Variants in NFIC observed in about 807,000 individuals in gnomAD.
NFIC encodes the protein nuclear factor I C, also known as nuclear factor 1 C-type.
NFIC carries 12 observed loss-of-function variants against 54.4 expected under a neutral mutation model. The observed-to-expected ratio is 0.22, with a 90% CI of 0.14 to 0.36. The LOEUF (loss-of-function observed/expected upper bound fraction) is 0.36. Among genes scored for constraint, NFIC ranks in the 10% least tolerant of loss-of-function variants. NFIC has a pLI of 1.00. For missense variants in NFIC, 575 were observed against 718.2 expected (o/e 0.80, Z 2.28); for synonymous variants, 322 against 319.2 (o/e 1.01, Z -0.09).
chr19:3,367,886 G>A (rs2080925951), intron 1 of NFIC, among the ~76,000 whole-genome samples: 1 of 152,196 alleles, frequency 6.6e-6, no homozygotes, highest in East Asian at 1.9e-4. Flanking sequence ...GCATGGTGCA[G>A]TGAGGGACCC....
chr19:3,441,996 C>T (rs1220624578), intron 6 of NFIC, among the ~76,000 whole-genome samples: 2 of 152,208 alleles, frequency 1.3e-5, no homozygotes, highest in African/African-American at 2.4e-5. Flanking sequence ...CTGGCGGACT[C>T]GGGGCCTTTT....
At position 3,448,803 on chromosome 19, in the gene NFIC, G is replaced by A. The variant is rs1469880478; in HGVS notation, c.959-211G>A. Among the ~76,000 whole-genome samples the A allele has an allele frequency of 3.3e-5, 5 of 152,108 alleles. No individual in the cohort carries two copies. The East Asian group carries it at 5.8e-4, about 18-fold the overall frequency. Reference sequence around the variant, plus strand: ...GTTGATACCCAGCTCTCCATCCCCCGGCTGTGCCGCCCTGGCTAGCCCCTT... The same window carrying A: ...GTTGATACCCAGCTCTCCATCCCCCAGCTGTGCCGCCCTGGCTAGCCCCTT... On this transcript the variant is annotated intron_variant, in intron 6 of 10. Transcript: ENST00000443272.
At chr19:3,379,992 G>GT (rs1045563210) in intron 1 of NFIC, among the ~76,000 whole-genome samples, 46 of 147,842 alleles carry the variant, frequency 3.1e-4, no homozygotes, top group Non-Finnish European at 4.0e-4. Context: ...GCCGACCCTA[G>GT]TTTTTTTTTG....
chr19:3,383,406 G>C (rs1207092976), intron 2 of NFIC, among the ~76,000 whole-genome samples: 1 of 152,194 alleles, frequency 6.6e-6, no homozygotes, highest in Admixed American at 6.5e-5. Flanking sequence ...CCTGGCAGGA[G>C]CGTGGAGATG....
rs991167755 is a variant in NFIC, at chr19:3,434,502, T to C, written c.833+102T>C. ...CATTCCTCTCCCTGGAATACCTCTT[T>C]TCACGATTCACCTGGCCTGAGAAAC... is the stretch of plus-strand genomic sequence containing the variant. On this transcript the variant is annotated intron_variant, in intron 5 of 10. Coordinates refer to ENST00000443272, the MANE Select transcript of NFIC (RefSeq NM_001245002.2). The C allele has an allele frequency of 1.0e-5, 15 of 1,441,180 alleles. No individual in the cohort carries two copies. In the African/African-American group the frequency reaches 1.4e-4, roughly 14 times the overall value. The allele number at this position is 1,441,180 out of a possible 1,614,324, so 89.3% of individuals were successfully genotyped here. A position where few individuals can be genotyped will look rare whatever the true frequency, so the allele number is the denominator to read the frequency against.
In NFIC at chr19:3,453,686, C is replaced by G; in HGVS notation, c.1270-77C>G. ...CACCCCGTCCGGGCCGTGCACAGAG[C>G]CGGGGGCGGCCGGCGCCAGCAGCCC... is the stretch of plus-strand genomic sequence containing the variant. On this transcript the variant is annotated intron_variant, in intron 8 of 10. Coordinates refer to ENST00000443272, the MANE Select transcript of NFIC (RefSeq NM_001245002.2). This position sits in a 1 kb window ranked among gnomAD's most constrained non-coding sequence, Gnocchi z 6.7. The G allele has an allele frequency of 1.3e-6, 2 of 1,509,832 alleles. No individual in the cohort carries two copies. Among genetic ancestry groups the G allele is most frequent in the Non-Finnish European group, 1.8e-6 (2 of 1,134,110 alleles). The allele number at this position is 1,509,832 out of a possible 1,614,324, so 93.5% of individuals were successfully genotyped here. A position where few individuals can be genotyped will look rare whatever the true frequency, so the allele number is the denominator to read the frequency against.
chr19:3,381,777 C>G lies in NFIC; in HGVS notation c.96C>G (p.Phe32Leu). The G allele has an allele frequency of 6.2e-7, 1 of 1,613,966 alleles. No individual in the cohort carries two copies. The highest frequency in any genetic ancestry group is 8.5e-7 in the Non-Finnish European group (1 of 1,179,962). Reference sequence around the variant, plus strand: ...TCCGCGCCTTCGCCTACACCTGGTTCAACCTGCAGGCGCGGAAGCGCAAGT... The same window carrying G: ...TCCGCGCCTTCGCCTACACCTGGTTGAACCTGCAGGCGCGGAAGCGCAAGT... ...PHVRAFAYTW[F>L]NLQARKRKYF... is the part of the protein sequence containing the mutation. The change falls in exon 2 of 11, where the codon TTC becomes TTG. Residue 32 changes from phenylalanine (F) to leucine (L), a missense_variant. Phe to Leu is a conservative substitution (Grantham distance 22). Around this residue, in one of 3 missense-constraint regions of NFIC, gnomAD observed 122 missense variants for 158.0 expected, o/e 0.77. Transcript: ENST00000443272.
chr19:3,414,727 G>A (rs1396562867), intron 2 of NFIC, among the ~76,000 whole-genome samples: 2 of 152,116 alleles, frequency 1.3e-5, no homozygotes, highest in African/African-American at 2.4e-5. Context: ...CAGAACCCAC[G>A]AACTGATTCC....
chr19:3,443,406 G>C (rs1200061607), intron 6 of NFIC, among the ~76,000 whole-genome samples: 1 of 151,558 alleles, frequency 6.6e-6, no homozygotes, highest in African/African-American at 2.4e-5. Context: ...CTGGGCAACA[G>C]CGTGAGACCC....
chr19:3,434,953 C>G, intron 5 of NFIC, 130 bp from the exon 6 acceptor site: 1 of 1,285,676 alleles, frequency 7.8e-7, no homozygotes, highest in East Asian at 2.7e-5. Context: ...CCCGCGGCTC[C>G]CGCGATGTCT....
chr19:3,396,792 C>T (rs2081471859), intron 2 of NFIC, among the ~76,000 whole-genome samples: 1 of 152,164 alleles, frequency 6.6e-6, no homozygotes, highest in African/African-American at 2.4e-5. Context: ...CCTATCTCTA[C>T]TAAACCTACA....
chr19:3,366,968 C>CA (rs941613877), intron 1 of NFIC, among the ~76,000 whole-genome samples: 8 of 122,232 alleles, frequency 6.5e-5, no homozygotes, highest in African/African-American at 2.5e-4. Flanking sequence ...GTCCCCCCCC[C>CA]ACACACCGAC....
chr19:3,438,123 A>G (rs2082233906), intron 6 of NFIC, among the ~76,000 whole-genome samples: 1 of 152,198 alleles, frequency 6.6e-6, no homozygotes, highest in South Asian at 2.1e-4. Flanking sequence ...CTTTAAGTCT[A>G]TTTATTAGGA....
chr19:3,445,152 C>G (rs137919054), intron 6 of NFIC, among the ~76,000 whole-genome samples: 1 of 150,300 alleles, frequency 6.7e-6, no homozygotes, highest in African/African-American at 2.5e-5. Context: ...TGTGCACATG[C>G]GTGCAGGCAT....
chr19:3,446,442 G>A (rs923567115), intron 6 of NFIC, among the ~76,000 whole-genome samples: 1 of 152,210 alleles, frequency 6.6e-6, no homozygotes, highest in Non-Finnish European at 1.5e-5. Context: ...TCAGCACCCT[G>A]CAGTGCCCAG....
At chr19:3,430,945 A>T (rs563138600) in intron 3 of NFIC, among the ~76,000 whole-genome samples, 1 of 145,506 alleles carries the variant, frequency 6.9e-6, no homozygotes, top group East Asian at 1.9e-4. Context: ...AAAAAAAAAA[A>T]AGAAAAGAAA....
rs2081074343 is a variant in NFIC, at chr19:3,374,652, A to G, written c.31-7060A>G. ...GAGGAAAGGCTGCTTGAAGGAGGGG[A>G]CACTAGAGATAGGGCGTTGAGGGAT... On this transcript the variant is annotated intron_variant, in intron 1 of 10. Transcript: ENST00000443272. Among the ~76,000 whole-genome samples, 3 of 152,054 alleles carry G rather than the reference A, an allele frequency of 2.0e-5. No individual in the cohort carries two copies. The South Asian group carries it at 6.2e-4, about 32-fold the overall frequency.
chr19:3,359,663 C>T (rs551469624), exon 1 of NFIC: 27 of 1,404,200 alleles, frequency 1.9e-5, no homozygotes, highest in East Asian at 3.1e-5. Flanking sequence ...GCGCCGGCCT[C>T]GCCTCCTCGC....
chr19:3,421,536 C>T (rs1008791954), intron 2 of NFIC, among the ~76,000 whole-genome samples: 1 of 152,224 alleles, frequency 6.6e-6, no homozygotes, highest in South Asian at 2.1e-4. Flanking sequence ...CAGATGGCCA[C>T]GGCCGGGGCA....
Sources: gnomAD v4.1 joint callset for allele counts (sites outside exome capture counted in the v4.1 genomes callset) on GRCh38, gnomAD v4.1.1 for gene constraint, gnomAD v4.1.1 regional missense constraint, Gnocchi (gnomAD v3.1) non-coding constraint, MANE v1.5 for transcripts, NCBI Gene and HGNC (gene_info 2026-07-23, HGNC 2026-07-21) for gene names.